Variants in RPS6KB2 observed in about 807,000 individuals in gnomAD.
RPS6KB2 encodes ribosomal protein S6 kinase beta-2.
RPS6KB2 carries 51 observed loss-of-function variants against 58.2 expected under a neutral mutation model. The ratio of observed to expected loss-of-function variants is 0.88; its 90% CI spans 0.70 to 1.11. RPS6KB2 has a LOEUF of 1.11. Ranked by LOEUF, RPS6KB2 falls within the 50% of genes least tolerant of loss-of-function variation. The pLI, the probability that RPS6KB2 is intolerant of heterozygous loss-of-function variation, is 0.00. For synonymous variants in RPS6KB2, 293 were observed against 258.6 expected (o/e 1.13, Z -1.28); for missense variants, 671 against 655.8 (o/e 1.02, Z -0.25).
rs374245219 is a variant in RPS6KB2, at chr11:67,432,828, A to G, written c.607A>G (p.Ser203Gly). The stretch of plus-strand genomic sequence containing the variant: ...CCTCAAGCCCGAGAACATCATGCTC[A>G]GCAGCCAGGGTGCGCATGTGTGTGC... ...RDLKPENIMLSSQGHIKLTDF... is the reference protein window; with the variant it reads ...RDLKPENIMLGSQGHIKLTDF... The change falls in exon 7 of 15, where the codon AGC becomes GGC. Residue 203 changes from serine (S) to glycine (G), a missense_variant. Transcript: ENST00000312629. 1 of 1,613,892 alleles carries G rather than the reference A, an allele frequency of 6.2e-7. No individual in the cohort carries two copies.
chr11:67,434,158 G>A (rs753556578), intron 11 of RPS6KB2, 40 bp from the exon 12 acceptor site: 7 of 1,612,770 alleles, frequency 4.3e-6, no homozygotes, highest in South Asian at 1.1e-5. Context: ...GGGCAAGCAG[G>A]GTGAGCTGTT....
At chr11:67,428,817 C>T (rs1238448122) in intron 1 of RPS6KB2, 165 bp from the exon 2 acceptor site, 4 of 971,156 alleles carry the variant, frequency 4.1e-6, no homozygotes, top group Admixed American at 4.0e-5. Context: ...AGCCTTTTCT[C>T]CCGATTCTCC....
At chr11:67,431,322 G>C (rs771255397) in intron 4 of RPS6KB2, 46 bp from the exon 5 acceptor site, 1 of 1,599,112 alleles carries the variant, frequency 6.3e-7, no homozygotes, top group Non-Finnish European at 8.6e-7. Context: ...GAGCCACTGT[G>C]CCCAGCCTGG....
chr11:67,433,085 G>A lies in RPS6KB2; in HGVS notation c.708-41G>A, dbSNP rs532755327. 2.2e-5 allele frequency: 36 copies of A among 1,611,212 alleles called. No homozygotes were observed. In the East Asian group the frequency reaches 6.5e-4, roughly 29 times the overall value. On this transcript the variant is annotated intron_variant, in intron 8 of 14. Transcript: ENST00000312629. ...GGCCCAGGGGTCGGGAGGACAGCCC[G>A]AAGGGGCACGGCCTGACTGACAGTT...
Position 67,433,229 on chromosome 11 carries a change from C to A in RPS6KB2, c.798+13C>A, listed in dbSNP as rs1256351868. 1 of 1,607,174 alleles carries A rather than the reference C, an allele frequency of 6.2e-7. No homozygotes were observed. The highest frequency in any genetic ancestry group is 8.5e-7 in the Non-Finnish European group (1 of 1,179,448). On this transcript the variant is annotated intron_variant, in intron 9 of 14. Coordinates refer to ENST00000312629, the MANE Select transcript of RPS6KB2 (RefSeq NM_003952.3). ...GCTCACTGGATCGGCAAGTCCAGCC[C>A]CCGGGGAGGAGGAGGGGCAGGGGCA...
intron 14 of RPS6KB2, 107 bp from the exon 15 acceptor site, chr11:67,434,882 C>T (rs764346903): frequency 5.4e-5 from 63 of 1,173,038 alleles, no homozygotes; most frequent in South Asian, 2.5e-4. Flanking sequence ...GTGGAGCCCG[C>T]GGCCTGTGTG....
In RPS6KB2 at chr11:67,431,360, A is replaced by G; in HGVS notation, c.310-8A>G. The G allele has an allele frequency of 6.2e-7, 1 of 1,612,918 alleles. No homozygotes were observed. Among genetic ancestry groups the G allele is most frequent in the Non-Finnish European group, 8.5e-7 (1 of 1,179,112 alleles). ...GCCTCAGTTTCTAACCAATTCCTGT[A>G]TCTCCAGGCCAAAATTGTGCGCAAT... On this transcript the variant is annotated splice_region_variant and splice_polypyrimidine_tract_variant and intron_variant, in intron 4 of 14. Coordinates refer to ENST00000312629, the MANE Select transcript of RPS6KB2 (RefSeq NM_003952.3).
chr11:67,434,341 G>A, intron 12 of RPS6KB2, 36 bp from the exon 13 acceptor site: 5 of 1,609,308 alleles, frequency 3.1e-6, no homozygotes, highest in Non-Finnish European at 4.2e-6. Flanking sequence ...GCATCTTGGT[G>A]CCCTCTGACC....
At chr11:67,433,559 C>T (rs1344189194) in intron 10 of RPS6KB2, 112 bp downstream of exon 10, 1 of 815,364 alleles carries the variant, frequency 1.2e-6, no homozygotes, top group Non-Finnish European at 2.0e-6. Context: ...CAGTTTGCCT[C>T]TGGGAATGAA....
chr11:67,428,859 AC>A, intron 1 of RPS6KB2, 122 bp from the exon 2 acceptor site: 1 of 1,190,084 alleles, frequency 8.4e-7, no homozygotes, highest in Non-Finnish European at 1.2e-6. Flanking sequence ...CCCAATTCTT[AC>A]CCATCCCCTA....
chr11:67,432,974 T>C lies in RPS6KB2; in HGVS notation c.639T>C (p.Phe213=). The C allele has an allele frequency of 6.2e-7, 1 of 1,613,384 alleles. No homozygotes were observed. The highest frequency in any genetic ancestry group is 8.5e-7 in the Non-Finnish European group (1 of 1,180,022). The change falls in exon 8 of 15, where the codon TTT becomes TTC. Residue 213 remains phenylalanine (F), a synonymous_variant. Coordinates refer to ENST00000312629, the MANE Select transcript of RPS6KB2 (RefSeq NM_003952.3). ...SSQGHIKLTD[F]GLCKESIHEG... is the part of the protein sequence containing the mutation. ...CAGGCCACATCAAACTGACCGACTT[T>C]GGACTCTGCAAGGAGTCTATCCATG...
At chr11:67,431,584 T>TTG (rs1021574978) in intron 5 of RPS6KB2, 69 bp downstream of exon 5, 2 of 1,477,508 alleles carry the variant, frequency 1.4e-6, no homozygotes, top group Non-Finnish European at 1.9e-6. Flanking sequence ...AAGGAAGCTC[T>TTG]GGGGGGAAGC....
chr11:67,429,543 A>T lies in RPS6KB2; in HGVS notation c.257A>T (p.Lys86Met). Residue 86 changes from lysine (K) to methionine (M), a missense_variant, in exon 4 of 15, where the codon AAG (lysine) becomes ATG (methionine). Coordinates refer to ENST00000312629, the MANE Select transcript of RPS6KB2 (RefSeq NM_003952.3). ...GGYGKVFQVR[K>M]VQGTNLGKIY... ...GCCCTACAGGTGTTCCAGGTGCGAA[A>T]GGTGCAAGGCACCAACTTGGGCAAA... The T allele has an allele frequency of 6.2e-7, 1 of 1,613,374 alleles. No individual in the cohort carries two copies. The highest frequency in any genetic ancestry group is 8.5e-7 in the Non-Finnish European group (1 of 1,179,802).
chr11:67,432,327 C>G, intron 5 of RPS6KB2: 1 of 658,026 alleles, frequency 1.5e-6, no homozygotes, highest in Non-Finnish European at 2.8e-6. Flanking sequence ...GTATTAGAGC[C>G]GTTGTGTACA....
chr11:67,434,859 T>C, intron 14 of RPS6KB2, 130 bp from the exon 15 acceptor site: 2 of 1,054,634 alleles, frequency 1.9e-6, no homozygotes, highest in Non-Finnish European at 2.8e-6. Context: ...CCAGGCTGCC[T>C]GGATGGGAGT....
At chr11:67,428,809 C>A in intron 1 of RPS6KB2, 173 bp from the exon 2 acceptor site, 2 of 940,996 alleles carry the variant, frequency 2.1e-6, no homozygotes, top group South Asian at 1.4e-5. Context: ...AGAACCCCAG[C>A]CTTTTCTCCC....
chr11:67,428,652 T>C (rs770557124), intron 1 of RPS6KB2, 29 bp downstream of exon 1: 3 of 1,585,476 alleles, frequency 1.9e-6, no homozygotes, highest in Non-Finnish European at 2.6e-6. Flanking sequence ...CGCGACTGGA[T>C]CCTGGAGCCG....
intron 14 of RPS6KB2, 123 bp from the exon 15 acceptor site, chr11:67,434,866 G>A: frequency 9.3e-7 from 1 of 1,073,606 alleles, no homozygotes; most frequent in Non-Finnish European, 1.4e-6. Context: ...GCCTGGATGG[G>A]AGTTTGTGGA....
chr11:67,433,555 G>C, intron 10 of RPS6KB2, 108 bp downstream of exon 10: 1 of 844,486 alleles, frequency 1.2e-6, no homozygotes, highest in South Asian at 1.5e-5. Context: ...TGTGCAGTTT[G>C]CCTCTGGGAA....
Sources: gnomAD v4.1 joint callset for allele counts on GRCh38, gnomAD v4.1.1 for gene constraint, MANE v1.5 for transcripts, NCBI Gene and HGNC (gene_info 2026-07-23, HGNC 2026-07-21) for gene names.